The following SSBP3 variants were observed in gnomAD, a reference collection of about 807,000 sequenced individuals.
SSBP3 encodes single stranded DNA binding protein 3.
SSBP3 carries 5 observed loss-of-function variants against 69.6 expected under a neutral mutation model. The ratio of observed to expected loss-of-function variants is 0.07; its 90% CI spans 0.04 to 0.15. SSBP3 has a LOEUF of 0.15. Among genes scored for constraint, SSBP3 ranks in the 10% least tolerant of loss-of-function variants. SSBP3 has a pLI of 1.00. For missense variants in SSBP3, 312 were observed against 534.0 expected (o/e 0.58, Z 4.10); for synonymous variants, 196 against 193.4 (o/e 1.01, Z -0.11).
chr1:54,349,517 G>A (rs1439711998), intron 4 of SSBP3, among the ~76,000 whole-genome samples: 2 of 152,178 alleles, frequency 1.3e-5, no homozygotes, highest in Non-Finnish European at 2.9e-5. Context: ...GGAACAAAAG[G>A]CTACTGGTTC....
rs529788647 is a variant in SSBP3, at chr1:54,259,162, C to G, written c.367-1013G>C. On this transcript the variant is annotated intron_variant, in intron 5 of 17. Transcript: ENST00000610401. ...AACCCTGGGCTATGCTGACCTCGAC[C>G]CCCCTACCCCGCCCCAGAAGACATG... Among the ~76,000 whole-genome samples the G allele has an allele frequency of 9.4e-3, 1,424 of 152,076 alleles. 19 individuals carry two copies. The highest frequency in any genetic ancestry group is 0.032 in the African/African-American group (1,323 of 41,456).
At chr1:54,290,501 G>C (rs1365771791) in intron 4 of SSBP3, among the ~76,000 whole-genome samples, 2 of 152,236 alleles carry the variant, frequency 1.3e-5, no homozygotes, top group Non-Finnish European at 2.9e-5. Context: ...TTCTGAGAAG[G>C]GGCCTCTCTC....
chr1:54,280,544 C>T (rs1645371514), intron 5 of SSBP3, among the ~76,000 whole-genome samples: 1 of 152,112 alleles, frequency 6.6e-6, no homozygotes, highest in Non-Finnish European at 1.5e-5. Flanking sequence ...GTGGAGAACT[C>T]GGGCGGATTC....
At chr1:54,267,944 C>A (rs1245978721) in intron 5 of SSBP3, among the ~76,000 whole-genome samples, 2 of 152,218 alleles carry the variant, frequency 1.3e-5, no homozygotes, top group Non-Finnish European at 2.9e-5. Context: ...GTTGTCCAGG[C>A]TGGCCTCAAA....
At chr1:54,347,869 A>G (rs1445989529) in intron 4 of SSBP3, among the ~76,000 whole-genome samples, 1 of 152,228 alleles carries the variant, frequency 6.6e-6, no homozygotes, top group Non-Finnish European at 1.5e-5. Context: ...GTGAACTTTC[A>G]GCCTCCAGAA....
rs553802648 is a variant in SSBP3, at chr1:54,258,443, C to A, written c.367-294G>T. The stretch of plus-strand genomic sequence containing the variant: ...GGAGTACAGTCCTGGACACAGCCTA[C>A]CCTTGGAGCGGAGTTTGCCATGTTA... On this transcript the variant is annotated intron_variant, in intron 5 of 17. Coordinates refer to ENST00000610401, the Ensembl canonical transcript of SSBP3. The surrounding 1 kb of genome is among the most constrained non-coding windows in gnomAD (Gnocchi z 4.5). Among the ~76,000 whole-genome samples the A allele has an allele frequency of 6.6e-6, 1 of 152,308 alleles. No homozygotes were observed. Among genetic ancestry groups the A allele is most frequent in the Admixed American group, 6.5e-5 (1 of 15,304 alleles).
chr1:54,273,998 G>A (rs746940597), intron 5 of SSBP3, among the ~76,000 whole-genome samples: 13 of 152,302 alleles, frequency 8.5e-5, no homozygotes, highest in South Asian at 2.1e-4. Flanking sequence ...GTCTGGAGGC[G>A]GACAGCAGGG....
intron 14 of SSBP3, among the ~76,000 whole-genome samples, chr1:54,235,229 C>T (rs1644466191): frequency 6.6e-6 from 1 of 150,778 alleles, no homozygotes; most frequent in Admixed American, 6.6e-5. Flanking sequence ...CAGGCCTTTG[C>T]ATCTGTAATT....
chr1:54,286,524 T>G (rs974951581), intron 4 of SSBP3: 1 of 152,268 alleles, frequency 6.6e-6, no homozygotes, highest in Non-Finnish European at 1.5e-5. Flanking sequence ...GGTTTCTTGA[T>G]GATCCCAGGA....
intron 9 of SSBP3, among the ~76,000 whole-genome samples, chr1:54,243,927 T>G (rs546527497): frequency 3.2e-4 from 42 of 131,580 alleles, no homozygotes; most frequent in Non-Finnish European, 4.3e-4. Flanking sequence ...TGTGTGTGAG[T>G]TTTTTTTTGT....
intron 9 of SSBP3, among the ~76,000 whole-genome samples, chr1:54,248,219 C>T (rs971972805): frequency 3.9e-5 from 6 of 152,244 alleles, no homozygotes; most frequent in Admixed American, 6.5e-5. Context: ...GGTCTCAGCA[C>T]AGCACTGTGT....
At chr1:54,325,365 T>C (rs1053953165) in intron 4 of SSBP3, 6 of 167,130 alleles carry the variant, frequency 3.6e-5, no homozygotes, top group Non-Finnish European at 5.9e-5. Context: ...GAACAGAATC[T>C]TACTTCTCTA....
chr1:54,411,836 G>A (rs1210674489), intron 1 of SSBP3, among the ~76,000 whole-genome samples: 13 of 150,484 alleles, frequency 8.6e-5, no homozygotes, highest in Non-Finnish European at 1.8e-4. Flanking sequence ...AGCTTGCAGT[G>A]AGCCGAGATG....
chr1:54,246,831 G>T (rs972048831), intron 9 of SSBP3, among the ~76,000 whole-genome samples: 1 of 152,266 alleles, frequency 6.6e-6, no homozygotes, highest in Non-Finnish European at 1.5e-5. Context: ...GGTTTGCAGC[G>T]AAGTTTTCTC....
chr1:54,232,732 GC>G (rs1411137537), intron 14 of SSBP3, among the ~76,000 whole-genome samples: 2 of 150,396 alleles, frequency 1.3e-5, no homozygotes, highest in African/African-American at 4.9e-5. Context: ...GCCTGCGATT[GC>G]AGGCACGCGC....
chr1:54,389,939 A>G (rs909863382), intron 4 of SSBP3, among the ~76,000 whole-genome samples: 5 of 151,880 alleles, frequency 3.3e-5, no homozygotes, highest in Admixed American at 2.0e-4. Flanking sequence ...TACCTTGCCC[A>G]TGACTGAATC....
intron 4 of SSBP3, among the ~76,000 whole-genome samples, chr1:54,287,722 G>T (rs1053771186): frequency 4.0e-5 from 6 of 149,522 alleles, no homozygotes. Context: ...ATCAGGAATG[G>T]AAGCGACCGG....
intron 4 of SSBP3, among the ~76,000 whole-genome samples, chr1:54,303,585 A>T (rs1449085650): frequency 6.6e-6 from 1 of 152,204 alleles, no homozygotes; most frequent in Non-Finnish European, 1.5e-5. Flanking sequence ...CAATGCCCAT[A>T]AACAGCAGTC....
At chr1:54,365,961 A>G (rs928007610) in intron 4 of SSBP3, among the ~76,000 whole-genome samples, 1 of 152,196 alleles carries the variant, frequency 6.6e-6, no homozygotes, top group African/African-American at 2.4e-5. Context: ...CTGGGAAACT[A>G]ATCGCAGTTC....
Sources: gnomAD v4.1 joint callset for allele counts (sites outside exome capture counted in the v4.1 genomes callset) on GRCh38, gnomAD v4.1.1 for gene constraint, Gnocchi (gnomAD v3.1) non-coding constraint, MANE v1.5 for transcripts, NCBI Gene and HGNC (gene_info 2026-07-23, HGNC 2026-07-21) for gene names.